The following LRCH3 variants were observed in gnomAD, a reference collection of about 807,000 sequenced individuals.
LRCH3 encodes the protein leucine rich repeats and calponin homology domain containing 3, also known as DISP complex protein LRCH3.
In LRCH3, 68 loss-of-function variants were observed where a neutral mutation model predicts 104.5. The observed-to-expected ratio is 0.65, with a 90% CI of 0.54 to 0.80. LRCH3 has a LOEUF of 0.80. Among genes scored for constraint, LRCH3 ranks in the 30% least tolerant of loss-of-function variants. The pLI is 0.00. For synonymous variants in LRCH3, 344 were observed against 361.3 expected, an observed-to-expected ratio of 0.95 and a Z score of 0.54; for missense variants, 951 against 953.9, an observed-to-expected ratio of 1.00 and a Z score of 0.04.
chr3:197,791,688 C>T (rs1044381988), intron 1 of LRCH3, 148 bp downstream of exon 1: 2 of 939,740 alleles, frequency 2.1e-6, no homozygotes, highest in Non-Finnish European at 3.0e-6. Context: ...CCGACGGCGC[C>T]AGCCCTCCGG....
At chr3:197,855,893 AAG>A (rs1740185734) in intron 14 of LRCH3, among the ~76,000 whole-genome samples, 1 of 152,192 alleles carries the variant, frequency 6.6e-6, no homozygotes, top group African/African-American at 2.4e-5. Context: ...ACTGTGCAAA[AAG>A]AGTCGTATTT....
chr3:197,882,839 T>A, intron 20 of LRCH3: 2 of 985,398 alleles, frequency 2.0e-6, no homozygotes, highest in Non-Finnish European at 2.4e-6. Flanking sequence ...AGTAGTTCCC[T>A]GGAATAATTC....
chr3:197,829,783 A>T lies in LRCH3; in HGVS notation c.887+110A>T, dbSNP rs375057575. ...GACTAAAGGGAAATAACCTGTTTTA[A>T]CACTGTTATTCTCAGAATGCTTGTA... On this transcript the variant is annotated intron_variant, in intron 6 of 20. Transcript: ENST00000425562. 811 of 713,264 alleles carry T rather than the reference A, an allele frequency of 1.1e-3. 9 individuals carry two copies. The South Asian group carries it at 0.015, about 13-fold the overall frequency. The allele number at this position is 713,264 out of a possible 1,614,324, so 44.2% of individuals were successfully genotyped here. A position where few individuals can be genotyped will look rare whatever the true frequency, so the allele number is the denominator to read the frequency against.
intron 8 of LRCH3, among the ~76,000 whole-genome samples, chr3:197,835,079 G>C (rs1052160413): frequency 2.0e-5 from 3 of 152,148 alleles, no homozygotes; most frequent in Non-Finnish European, 2.9e-5. Context: ...GAGAAGCAGA[G>C]GTTGCAGTGA....
chr3:197,870,423 T>A, intron 18 of LRCH3, 145 bp downstream of exon 18: 1 of 746,252 alleles, frequency 1.3e-6, no homozygotes, highest in Non-Finnish European at 2.1e-6. Flanking sequence ...TGGAGTTCAG[T>A]GGCATGATCC....
At chr3:197,830,936 T>C in intron 7 of LRCH3, 73 bp downstream of exon 7, 1 of 1,283,528 alleles carries the variant, frequency 7.8e-7, no homozygotes, top group Non-Finnish European at 1.1e-6. Context: ...ATGAAAAGCG[T>C]CTTAACTGGA....
chr3:197,850,897 A>T, intron 12 of LRCH3: 2 of 861,932 alleles, frequency 2.3e-6, no homozygotes, highest in South Asian at 1.3e-5. Flanking sequence ...CGAAGATTGG[A>T]ACCTCTTGAT....
intron 1 of LRCH3, among the ~76,000 whole-genome samples, chr3:197,809,651 CA>C (rs1291962869): frequency 1.3e-5 from 2 of 151,658 alleles, no homozygotes; most frequent in Non-Finnish European, 2.9e-5. Context: ...TTCTGTCTTG[CA>C]GCTCACTGAT....
rs1714188447 is a variant in LRCH3 at position 197,886,313 on chromosome 3, C to G, written c.*2647C>G. On this transcript the variant is annotated 3_prime_UTR_variant, in exon 21 of 21. Coordinates refer to ENST00000425562, the MANE Select transcript of LRCH3 (RefSeq NM_001365715.1). ...TGAGCCATGGCTGCACCACTGCACT[C>G]CAGCCTGGGCAACAGAGTGAGACCC... is the stretch of plus-strand genomic sequence containing the variant. 1 of 152,140 alleles carries G rather than the reference C, an allele frequency of 6.6e-6. No homozygotes were observed. The highest frequency in any genetic ancestry group is 2.4e-5 in the African/African-American group (1 of 41,368). 9.4% of individuals were successfully genotyped at this position (152,140 alleles called of 1,614,324 possible). A position where few individuals can be genotyped will look rare whatever the true frequency, so the allele number is the denominator to read the frequency against.
chr3:197,838,596 T>C (rs1044637213), intron 9 of LRCH3, among the ~76,000 whole-genome samples: 17 of 151,950 alleles, frequency 1.1e-4, no homozygotes, highest in African/African-American at 3.9e-4. Context: ...CTTCTATAGG[T>C]TTTCCTTTGA....
intron 11 of LRCH3, 170 bp from the exon 12 acceptor site, chr3:197,847,702 A>G: frequency 5.7e-5 from 1 of 17,404 alleles, no homozygotes; most frequent in South Asian, 7.8e-4. Context: ...TACATATAAG[A>G]ACCGTGCAAA....
At chr3:197,805,472 G>A (rs572743229) in intron 1 of LRCH3, among the ~76,000 whole-genome samples, 46 of 152,190 alleles carry the variant, frequency 3.0e-4, no homozygotes, top group African/African-American at 1.1e-3. Context: ...CCTAATGACA[G>A]CCGACATGCA....
At chr3:197,819,641 G>A (rs1734258388) in intron 3 of LRCH3, among the ~76,000 whole-genome samples, 1 of 151,948 alleles carries the variant, frequency 6.6e-6, no homozygotes, top group South Asian at 2.1e-4. Context: ...GCTGGAACCC[G>A]AGAGACGGAG....
intron 1 of LRCH3, among the ~76,000 whole-genome samples, chr3:197,811,271 A>AT (rs1733093350): frequency 6.6e-6 from 1 of 152,120 alleles, no homozygotes; most frequent in African/African-American, 2.4e-5. Context: ...CTTTTTGAAA[A>AT]TTACTTTTTA....
rs193036708 is a variant in LRCH3, at chr3:197,870,384, T to C, written c.1992+106T>C. On this transcript the variant is annotated intron_variant, in intron 18 of 20. Coordinates refer to ENST00000425562, the MANE Select transcript of LRCH3 (RefSeq NM_001365715.1). ...ACATCATTTTTATTTATTTTTTTTT[T>C]AGACGGAGTCTCACTCTGTCACCCA... The C allele has an allele frequency of 8.3e-4, 921 of 1,115,028 alleles. 16 individuals are homozygous for C. In the East Asian group the frequency reaches 0.021, roughly 26 times the overall value. The allele number at this position is 1,115,028 out of a possible 1,614,324, so 69.1% of individuals were successfully genotyped here. A position where few individuals can be genotyped will look rare whatever the true frequency, so the allele number is the denominator to read the frequency against.
chr3:197,805,855 C>T (rs983450345), intron 1 of LRCH3, among the ~76,000 whole-genome samples: 1 of 152,134 alleles, frequency 6.6e-6, no homozygotes, highest in African/African-American at 2.4e-5. Flanking sequence ...CAGGTCCCTA[C>T]ACTGTACCTT....
chr3:197,842,373 G>A (rs1440724092), intron 10 of LRCH3, among the ~76,000 whole-genome samples: 2 of 152,094 alleles, frequency 1.3e-5, no homozygotes, highest in Non-Finnish European at 2.9e-5. Context: ...TGTTGAATTC[G>A]AACCTAAAAA....
rs753461760 is a variant in LRCH3, at chr3:197,847,861, T to G, written c.1381-11T>G. On this transcript the variant is annotated splice_polypyrimidine_tract_variant and intron_variant, in intron 11 of 20. Transcript: ENST00000425562. Reference sequence around the variant, plus strand: ...TTTACTTTTGTATGCACAATAACGCTTTGGTTCCAGCTGTCACACACAGAC... The same window carrying G: ...TTTACTTTTGTATGCACAATAACGCGTTGGTTCCAGCTGTCACACACAGAC... 6.2e-7 allele frequency: 1 copy of G among 1,613,102 alleles called. No homozygotes were observed. Among genetic ancestry groups the G allele is most frequent in the African/African-American group, 1.3e-5 (1 of 74,860 alleles).
intron 20 of LRCH3, among the ~76,000 whole-genome samples, chr3:197,876,655 A>G (rs1485522098): frequency 6.6e-5 from 10 of 152,194 alleles, no homozygotes; most frequent in Admixed American, 6.5e-4. Flanking sequence ...AGTCTTGTTA[A>G]CATATTTTGT....
Sources: allele counts gnomAD v4.1 joint callset (sites outside exome capture counted in the v4.1 genomes callset), GRCh38; gene constraint gnomAD v4.1.1; transcripts MANE v1.5; gene names NCBI Gene and HGNC (gene_info 2026-07-23, HGNC 2026-07-21).